Variants in NUBPL observed in about 807,000 individuals in gnomAD.
NUBPL encodes iron-sulfur cluster transfer protein NUBPL.
A neutral mutation model predicts 45.7 loss-of-function variants in NUBPL; 31 were observed. That is an observed-to-expected ratio of 0.68 (90% CI 0.51 to 0.92). NUBPL has a LOEUF of 0.92. NUBPL is among the 40% of genes least tolerant of loss of function. The probability of loss-of-function intolerance (pLI) is 0.00; values close to 1 mark genes in which losing one functional copy is unlikely to be tolerated. For missense variants in NUBPL, 401 were observed against 398.7 expected, an observed-to-expected ratio of 1.01 and a Z score of -0.05; for synonymous variants, 144 against 140.9, an observed-to-expected ratio of 1.02 and a Z score of -0.15.
chr14:31,779,650 C>A (rs1053076659), intron 6 of NUBPL, among the ~76,000 whole-genome samples: 5 of 152,100 alleles, frequency 3.3e-5, no homozygotes, highest in African/African-American at 9.7e-5. Context: ...CTGAGGGACT[C>A]CATTGGGATT....
chr14:31,669,806 T>G (rs975384888), intron 4 of NUBPL, among the ~76,000 whole-genome samples: 1 of 69,678 alleles, frequency 1.4e-5, no homozygotes, highest in African/African-American at 5.5e-5. Context: ...GGTTTTTTTT[T>G]TTGTTTTTTT....
At chr14:31,624,557 G>T (rs184232012) in intron 4 of NUBPL, among the ~76,000 whole-genome samples, 269 of 152,122 alleles carry the variant, frequency 1.8e-3, no homozygotes, top group Non-Finnish European at 3.2e-3. Context: ...AATGACTAAA[G>T]ACTTTATTTA....
chr14:31,636,726 CTT>C (rs985444488), intron 4 of NUBPL, among the ~76,000 whole-genome samples: 32 of 152,084 alleles, frequency 2.1e-4, no homozygotes, highest in Admixed American at 6.6e-5. Flanking sequence ...GTCCTGGAGT[CTT>C]TTTAGTTGGT....
chr14:31,785,733 T>C (rs1279947161), intron 6 of NUBPL, among the ~76,000 whole-genome samples: 1 of 152,222 alleles, frequency 6.6e-6, no homozygotes, highest in Non-Finnish European at 1.5e-5. Flanking sequence ...TTATTATGTT[T>C]ATTGCTCTAT....
chr14:31,743,805 T>TTGTG (rs147577510), intron 6 of NUBPL, among the ~76,000 whole-genome samples: 2 of 151,068 alleles, frequency 1.3e-5, no homozygotes, highest in South Asian at 4.2e-4. Flanking sequence ...AAAGGAGATA[T>TTGTG]TGTGTGTGTG....
intron 3 of NUBPL, among the ~76,000 whole-genome samples, chr14:31,571,650 A>C (rs1386302621): frequency 1.3e-5 from 2 of 151,924 alleles, no homozygotes; most frequent in African/African-American, 4.8e-5. Context: ...GGGTTTCATC[A>C]TGTTGGCCAG....
At chr14:31,788,319 C>A (rs1175109223) in intron 7 of NUBPL, among the ~76,000 whole-genome samples, 1 of 152,066 alleles carries the variant, frequency 6.6e-6, no homozygotes, top group Non-Finnish European at 1.5e-5. Flanking sequence ...AGCCAGCAGC[C>A]CTGAGAGTTC....
chr14:31,590,386 AATTCTCAG>A, intron 3 of NUBPL, among the ~76,000 whole-genome samples: 1 of 151,846 alleles, frequency 6.6e-6, no homozygotes, highest in Non-Finnish European at 1.5e-5. Flanking sequence ...AAGGGCCTTT[AATTCTCAG>A]CGGAGCAGTG....
chr14:31,754,911 A>G (rs192660323), intron 6 of NUBPL, among the ~76,000 whole-genome samples: 1,753 of 123,562 alleles, frequency 0.014, 5 homozygotes, highest in Non-Finnish European at 0.02. Flanking sequence ...ATGCGTTCTC[A>G]TTGTTCAATT....
chr14:31,715,685 C>T (rs2037672064), intron 6 of NUBPL, among the ~76,000 whole-genome samples: 2 of 152,158 alleles, frequency 1.3e-5, no homozygotes, highest in Admixed American at 6.5e-5. Flanking sequence ...GCTTGCAGGA[C>T]TGAAAGTTGC....
In NUBPL at chr14:31,798,791, CAAAAAA is replaced by C. The variant is rs1164176250; in HGVS notation, c.607+10939_607+10944del. Among the ~76,000 whole-genome samples the C allele has an allele frequency of 3.2e-4, 17 of 53,526 alleles. No individual in the cohort carries two copies. The South Asian group carries it at 0.014, about 45-fold the overall frequency. 35.1% of individuals were successfully genotyped at this position (53,526 alleles called of 152,430 possible). ...TGGGTGACAGAGCAAGACTCCGTCT[CAAAAAA>C]AAAAAAAAAAAAAAAAAAAAGAAAT... On this transcript the variant is annotated intron_variant, in intron 7 of 10. Coordinates refer to ENST00000281081, the MANE Select transcript of NUBPL (RefSeq NM_025152.3).
chr14:31,693,199 G>T (rs1595502440), intron 6 of NUBPL, among the ~76,000 whole-genome samples: 1 of 152,112 alleles, frequency 6.6e-6, no homozygotes, highest in East Asian at 1.9e-4. Context: ...AAACAATTCA[G>T]TGTTTAAATA....
At chr14:31,711,288 G>C (rs1712396853) in intron 6 of NUBPL, among the ~76,000 whole-genome samples, 1 of 152,154 alleles carries the variant, frequency 6.6e-6, no homozygotes. Context: ...AAAGAGTCAG[G>C]GGATGTTAGA....
chr14:31,653,544 G>A (rs1039192303), intron 4 of NUBPL, among the ~76,000 whole-genome samples: 17 of 152,278 alleles, frequency 1.1e-4, no homozygotes, highest in African/African-American at 3.6e-4. Context: ...GCCCGACCCC[G>A]CAGGCAGTCA....
chr14:31,721,367 T>C (rs1338731029), intron 6 of NUBPL, among the ~76,000 whole-genome samples: 1 of 152,194 alleles, frequency 6.6e-6, no homozygotes, highest in Non-Finnish European at 1.5e-5. Context: ...GCATTTCCAG[T>C]AGATTCCATG....
intron 7 of NUBPL, among the ~76,000 whole-genome samples, chr14:31,802,833 C>G (rs2039618653): frequency 6.6e-6 from 1 of 152,134 alleles, no homozygotes; most frequent in Admixed American, 6.5e-5. Flanking sequence ...AGCCAGAGGT[C>G]TTTCTGTCTC....
At chr14:31,591,860 A>T (rs898616703) in intron 3 of NUBPL, among the ~76,000 whole-genome samples, 5 of 152,186 alleles carry the variant, frequency 3.3e-5, no homozygotes, top group Admixed American at 3.3e-4. Flanking sequence ...TTCATTTATT[A>T]GTTTATTTAC....
rs565668681 is a variant in NUBPL at position 31,792,965 on chromosome 14, C to A, written c.607+5092C>A. Among the ~76,000 whole-genome samples, 996 of 152,284 alleles carry A rather than the reference C, an allele frequency of 6.5e-3. 12 individuals carry two copies. The highest frequency in any genetic ancestry group is 0.022 in the African/African-American group (933 of 41,568). On this transcript the variant is annotated intron_variant, in intron 7 of 10. Transcript: ENST00000281081. ...TTTCATAAATTTACAGAACCTGTAA[C>A]AGCCTGTCAAAATCATGTCTGCTCT... is the stretch of plus-strand genomic sequence containing the variant.
intron 4 of NUBPL, among the ~76,000 whole-genome samples, chr14:31,643,863 A>G (rs1406379758): frequency 6.6e-6 from 1 of 152,100 alleles, no homozygotes; most frequent in African/African-American, 2.4e-5. Flanking sequence ...TCCCTGGTTC[A>G]ATCTTGATAG....
Sources: gnomAD v4.1 joint callset for allele counts (sites outside exome capture counted in the v4.1 genomes callset) on GRCh38, gnomAD v4.1.1 for gene constraint, MANE v1.5 for transcripts, NCBI Gene and HGNC (gene_info 2026-07-23, HGNC 2026-07-21) for gene names.